The following BMPR1B variants were observed in gnomAD, a reference collection of about 807,000 sequenced individuals.
The protein encoded by BMPR1B is bone morphogenetic protein receptor type 1B, also known as bone morphogenetic protein receptor type-1B.
A neutral mutation model predicts 59.1 loss-of-function variants in BMPR1B; 12 were observed. The ratio of observed to expected loss-of-function variants is 0.20; its 90% CI spans 0.13 to 0.33. The LOEUF (loss-of-function observed/expected upper bound fraction) is 0.33. BMPR1B is among the 10% of genes least tolerant of loss of function. The pLI is 1.00. For synonymous variants in BMPR1B, 237 were observed against 207.3 expected (o/e 1.14, Z -1.23); for missense variants, 550 against 610.9 (o/e 0.90, Z 1.05).
chr4:95,130,517 A>G (rs1394988000), intron 9 of BMPR1B, among the ~76,000 whole-genome samples: 1 of 152,090 alleles, frequency 6.6e-6, no homozygotes, highest in African/African-American at 2.4e-5. Context: ...AGTGGGGTAT[A>G]TTCCTTAATT....
At position 94,819,494 on chromosome 4, in the gene BMPR1B, G is replaced by A. The variant is rs535511287; in HGVS notation, c.-182-56337G>A. Among the ~76,000 whole-genome samples, 13 of 137,458 alleles carry A rather than the reference G, an allele frequency of 9.5e-5. No homozygotes were observed. The South Asian group carries it at 3.1e-3, about 33-fold the overall frequency. The allele number at this position is 137,458 out of a possible 152,430, so 90.2% of individuals were successfully genotyped here. On this transcript the variant is annotated intron_variant, in intron 1 of 12. Coordinates refer to ENST00000515059, the MANE Select transcript of BMPR1B (RefSeq NM_001203.3). ...GAGTGTCCAGGAAGGAGCTGTGTGG[G>A]AATTCAGACACTGTGGCGTAGCCAG...
chr4:94,926,559 C>G (rs1728897670), intron 2 of BMPR1B, among the ~76,000 whole-genome samples: 1 of 152,142 alleles, frequency 6.6e-6, no homozygotes, highest in Non-Finnish European at 1.5e-5. Context: ...TAATTTGTTT[C>G]TCTCACAAAC....
chr4:95,117,380 A>C (rs1380823790), intron 6 of BMPR1B, among the ~76,000 whole-genome samples: 1 of 152,138 alleles, frequency 6.6e-6, no homozygotes, highest in East Asian at 1.9e-4. Context: ...AGTGACTCTA[A>C]ACAGATGCAG....
At chr4:95,053,141 T>G (rs1422458620) in intron 3 of BMPR1B, among the ~76,000 whole-genome samples, 3 of 152,210 alleles carry the variant, frequency 2.0e-5, no homozygotes, top group African/African-American at 4.8e-5. Context: ...AGAATGTCCC[T>G]TAACATAATG....
intron 2 of BMPR1B, among the ~76,000 whole-genome samples, chr4:94,991,902 A>G (rs1401475859): frequency 6.6e-6 from 1 of 152,206 alleles, no homozygotes; most frequent in Non-Finnish European, 1.5e-5. Context: ...CCAAGAATAC[A>G]AAACTACTTA....
At chr4:94,899,644 A>G (rs1267690767) in intron 2 of BMPR1B, among the ~76,000 whole-genome samples, 1 of 151,896 alleles carries the variant, frequency 6.6e-6, no homozygotes, top group Non-Finnish European at 1.5e-5. Context: ...ATTTTTTGAG[A>G]TGCAGCAAAA....
intron 10 of BMPR1B, among the ~76,000 whole-genome samples, chr4:95,147,037 C>T (rs1734700855): frequency 6.6e-6 from 1 of 152,114 alleles, no homozygotes; most frequent in Admixed American, 6.6e-5. Flanking sequence ...CCTATGTTTG[C>T]ATATGGTAAA....
intron 2 of BMPR1B, among the ~76,000 whole-genome samples, chr4:94,944,409 T>C (rs1442368989): frequency 6.6e-6 from 1 of 152,192 alleles, no homozygotes; most frequent in African/African-American, 2.4e-5. Flanking sequence ...TAACATTACA[T>C]GCCATAGTTA....
In BMPR1B at chr4:94,882,976, GTA is replaced by G. The variant is rs777405733; in HGVS notation, c.-113+7078_-113+7079del. Among the ~76,000 whole-genome samples, 742 of 137,518 alleles carry G rather than the reference GTA, an allele frequency of 5.4e-3. 5 individuals are homozygous for G. Among genetic ancestry groups the G allele is most frequent in the African/African-American group, 0.018 (649 of 35,474 alleles). 90.2% of individuals were successfully genotyped at this position (137,518 alleles called of 152,430 possible). On this transcript the variant is annotated intron_variant, in intron 2 of 12. Transcript: ENST00000515059. The stretch of plus-strand genomic sequence containing the variant: ...TTCCTGTGTGTGTGTGCGTGTGTGT[GTA>G]TGTGTGTGTGTGTGTGTGTGTGTGT...
chr4:94,948,392 T>C (rs1262943553), intron 2 of BMPR1B, among the ~76,000 whole-genome samples: 3 of 152,196 alleles, frequency 2.0e-5, no homozygotes, highest in Non-Finnish European at 4.4e-5. Flanking sequence ...GAGGCATTCA[T>C]AGTTCTTTGA....
At chr4:95,142,620 T>G (rs918134895) in intron 10 of BMPR1B, among the ~76,000 whole-genome samples, 1 of 152,114 alleles carries the variant, frequency 6.6e-6, no homozygotes, top group Non-Finnish European at 1.5e-5. Flanking sequence ...ATCAACAGCA[T>G]CCAGCAGGAG....
chr4:95,143,232 C>T (rs1197553276), intron 10 of BMPR1B, among the ~76,000 whole-genome samples: 5 of 152,120 alleles, frequency 3.3e-5, no homozygotes, highest in African/African-American at 1.2e-4. Flanking sequence ...GTACACCAGG[C>T]ACAGGCAGGA....
At chr4:94,797,645 AAT>A (rs1723245639) in intron 1 of BMPR1B, among the ~76,000 whole-genome samples, 1 of 152,200 alleles carries the variant, frequency 6.6e-6, no homozygotes, top group African/African-American at 2.4e-5. Context: ...GATTTACCTA[AAT>A]AACAAGGCTC....
At chr4:94,862,878 G>A (rs539160962) in intron 1 of BMPR1B, among the ~76,000 whole-genome samples, 1 of 151,362 alleles carries the variant, frequency 6.6e-6, no homozygotes, top group Non-Finnish European at 1.5e-5. Context: ...CCGGGAGGTG[G>A]AGCTTGCAGT....
chr4:95,022,452 A>G (rs886726966), intron 3 of BMPR1B, among the ~76,000 whole-genome samples: 3 of 152,194 alleles, frequency 2.0e-5, no homozygotes, highest in Non-Finnish European at 2.9e-5. Context: ...GAAATCATTT[A>G]TAATCATTTG....
intron 2 of BMPR1B, among the ~76,000 whole-genome samples, chr4:94,953,239 T>TG (rs1730015923): frequency 6.6e-6 from 1 of 152,222 alleles, no homozygotes; most frequent in South Asian, 2.1e-4. Flanking sequence ...GCCTTTTAAT[T>TG]GGGGCATTTA....
intron 2 of BMPR1B, among the ~76,000 whole-genome samples, chr4:94,935,530 G>A (rs10021303): frequency 0.41 from 62,910 of 151,928 alleles, 14,160 homozygotes; most frequent in African/African-American, 0.6. Flanking sequence ...ACAGAGTAAT[G>A]AAAGAAAATC....
At chr4:94,847,332 C>T (rs968398368) in intron 1 of BMPR1B, among the ~76,000 whole-genome samples, 4 of 152,072 alleles carry the variant, frequency 2.6e-5, no homozygotes, top group South Asian at 2.1e-4. Flanking sequence ...GTACACTGTT[C>T]GTGTATGTGT....
At chr4:94,984,808 G>A (rs188633243) in intron 2 of BMPR1B, among the ~76,000 whole-genome samples, 13 of 152,282 alleles carry the variant, frequency 8.5e-5, no homozygotes, top group Non-Finnish European at 1.3e-4. Context: ...CTGCTTTTAG[G>A]AGGAAACGCT....
Sources: gnomAD v4.1 joint callset for allele counts (sites outside exome capture counted in the v4.1 genomes callset) on GRCh38, gnomAD v4.1.1 for gene constraint, MANE v1.5 for transcripts, NCBI Gene and HGNC (gene_info 2026-07-23, HGNC 2026-07-21) for gene names.